MYCBP2: variants seen among roughly 807,000 people sequenced by gnomAD.
The protein encoded by MYCBP2 is E3 ubiquitin-protein ligase MYCBP2.
A neutral mutation model predicts 525.3 loss-of-function variants in MYCBP2; 120 were observed. That is an observed-to-expected ratio of 0.23 (90% CI 0.20 to 0.27). The LOEUF is 0.27. Among genes scored for constraint, MYCBP2 ranks in the 10% least tolerant of loss-of-function variants. The probability of loss-of-function intolerance (pLI) is 1.00; values close to 1 mark genes in which losing one functional copy is unlikely to be tolerated. For synonymous variants in MYCBP2, 1,894 were observed against 1,955.8 expected (o/e 0.97, Z 0.83); for missense variants, 4,149 against 5,657.1 (o/e 0.73, Z 8.55).
At chr13:77,315,202 C>G (rs1567236846) in intron 1 of MYCBP2, among the ~76,000 whole-genome samples, 1 of 152,354 alleles carries the variant, frequency 6.6e-6, no homozygotes, top group East Asian at 1.9e-4. Flanking sequence ...CTGGTGAATT[C>G]TGTCAAACAT....
intron 59 of MYCBP2, among the ~76,000 whole-genome samples, chr13:77,090,986 A>G (rs927430382): frequency 2.0e-5 from 3 of 152,162 alleles, no homozygotes; most frequent in Non-Finnish European, 4.4e-5. Context: ...TTATTTCTCT[A>G]AAACAAATTT....
chr13:77,240,472 G>T (rs546106263), intron 17 of MYCBP2, among the ~76,000 whole-genome samples: 1 of 152,230 alleles, frequency 6.6e-6, no homozygotes, highest in East Asian at 1.9e-4. Context: ...GCCAGGCGTG[G>T]TGGCGGGCAC....
At position 77,097,629 on chromosome 13, in the gene MYCBP2, G is replaced by C. The variant is rs776257927; in HGVS notation, c.9525C>G (p.Ile3175Met). 2.5e-6 allele frequency: 4 copies of C among 1,613,492 alleles called. No homozygotes were observed. Among genetic ancestry groups the C allele is most frequent in the Non-Finnish European group, 3.4e-6 (4 of 1,179,804 alleles). Residue 3175 changes from isoleucine to methionine, a missense_variant, in exon 56 of 83, where the codon ATC (isoleucine) becomes ATG (methionine). This residue lies in a region of MYCBP2 where 653 missense variants were observed against 744.7 expected (regional missense o/e 0.88). Coordinates refer to ENST00000544440, the MANE Select transcript of MYCBP2 (RefSeq NM_015057.5). ...AAATCATATTCTGGGAAGCAGCTTT[G>C]ATAGTAGCCAAAGAGATGTCTTCCC... ...AFWEDISLATIKAASQNMIFP... is the reference protein window; with the variant it reads ...AFWEDISLATMKAASQNMIFP...
At chr13:77,183,541 C>CTTTTTTTTTTTTTTTTTTTTTTTTTTT (rs60927409) in intron 32 of MYCBP2, among the ~76,000 whole-genome samples, 2 of 66,076 alleles carry the variant, frequency 3.0e-5, no homozygotes, top group African/African-American at 1.4e-4. Context: ...GTCCCTATTT[C>CTTTTTTTTTTTTTTTTTTTTTTTTTTT]TTTTTTTTTT....
intron 15 of MYCBP2, among the ~76,000 whole-genome samples, chr13:77,248,416 A>T (rs1334408835): frequency 6.6e-6 from 1 of 152,200 alleles, no homozygotes; most frequent in Non-Finnish European, 1.5e-5. Context: ...AAACTCATCA[A>T]CAACAACAAA....
chr13:77,197,435 G>C (rs949375899), intron 26 of MYCBP2, among the ~76,000 whole-genome samples: 5 of 152,184 alleles, frequency 3.3e-5, no homozygotes, highest in African/African-American at 9.7e-5. Flanking sequence ...TCATGAGAGA[G>C]AGAGATCAGT....
intron 18 of MYCBP2, among the ~76,000 whole-genome samples, chr13:77,228,437 G>C (rs567447568): frequency 6.6e-6 from 1 of 151,354 alleles, no homozygotes; most frequent in Admixed American, 6.6e-5. Flanking sequence ...AGCCCGGGAG[G>C]TCAAGGCTGC....
At chr13:77,149,313 C>T (rs543807697) in intron 47 of MYCBP2, among the ~76,000 whole-genome samples, 4 of 152,036 alleles carry the variant, frequency 2.6e-5, no homozygotes, top group African/African-American at 4.8e-5. Flanking sequence ...TGAATCACTG[C>T]ATATTTGTTT....
intron 1 of MYCBP2, among the ~76,000 whole-genome samples, chr13:77,322,177 T>G (rs1178670723): frequency 6.6e-6 from 1 of 152,194 alleles, no homozygotes; most frequent in Non-Finnish European, 1.5e-5. Flanking sequence ...GAACTTTTGC[T>G]AAAATGACTA....
chr13:77,217,321 T>G (rs1292383687), intron 21 of MYCBP2, among the ~76,000 whole-genome samples: 1 of 152,142 alleles, frequency 6.6e-6, no homozygotes, highest in East Asian at 1.9e-4. Flanking sequence ...CTTAGAGCAT[T>G]TTCACTCTTT....
intron 41 of MYCBP2, 146 bp from the exon 42 acceptor site, chr13:77,165,537 G>T: frequency 1.7e-6 from 1 of 593,310 alleles, no homozygotes; most frequent in East Asian, 3.1e-5. Flanking sequence ...ACTTGCGGCG[G>T]GGAGCGTTCC....
chr13:77,057,944 T>C (rs2038479358), intron 78 of MYCBP2, among the ~76,000 whole-genome samples: 1 of 151,604 alleles, frequency 6.6e-6, no homozygotes, highest in Non-Finnish European at 1.5e-5. Flanking sequence ...TTCATGCCAT[T>C]CTCCTGACTC....
chr13:77,238,695 T>C (rs2068346091), intron 17 of MYCBP2, among the ~76,000 whole-genome samples: 1 of 152,230 alleles, frequency 6.6e-6, no homozygotes, highest in African/African-American at 2.4e-5. Flanking sequence ...ATTAAAAAGT[T>C]CCAAATGTAT....
chr13:77,137,875 C>T (rs909339653), intron 52 of MYCBP2, among the ~76,000 whole-genome samples: 2 of 152,042 alleles, frequency 1.3e-5, no homozygotes, highest in East Asian at 1.9e-4. Flanking sequence ...TGAGCCACCT[C>T]GCCTGGCTCT....
chr13:77,102,199 C>T (rs1242062456), intron 55 of MYCBP2, among the ~76,000 whole-genome samples: 3 of 151,742 alleles, frequency 2.0e-5, no homozygotes, highest in Non-Finnish European at 4.4e-5. Context: ...GCATATATCA[C>T]ATGGCATGAT....
chr13:77,093,133 G>C (rs778089451), intron 59 of MYCBP2, 32 bp downstream of exon 59: 1 of 1,561,508 alleles, frequency 6.4e-7, no homozygotes, highest in South Asian at 1.2e-5. Flanking sequence ...CCAAACACTA[G>C]CTATTCAACA....
At chr13:77,224,364 T>G (rs2065975176) in intron 20 of MYCBP2, 87 bp downstream of exon 20, 1 of 843,018 alleles carries the variant, frequency 1.2e-6, no homozygotes, top group Admixed American at 2.5e-5. Context: ...AAATATATAC[T>G]TAAAAAGAGA....
intron 55 of MYCBP2, among the ~76,000 whole-genome samples, chr13:77,119,096 T>G (rs1042067490): frequency 6.6e-6 from 1 of 152,184 alleles, no homozygotes; most frequent in Admixed American, 6.5e-5. Flanking sequence ...GATGAATAAT[T>G]TAAAAATCTG....
chr13:77,219,633 AAAG>A (rs2065274960), intron 20 of MYCBP2, among the ~76,000 whole-genome samples: 1 of 152,122 alleles, frequency 6.6e-6, no homozygotes, highest in African/African-American at 2.4e-5. Context: ...TAACATGAGG[AAAG>A]AAGCAGAGAA....
Sources: gnomAD v4.1 joint callset for allele counts (sites outside exome capture counted in the v4.1 genomes callset) on GRCh38, gnomAD v4.1.1 for gene constraint, gnomAD v4.1.1 regional missense constraint, MANE v1.5 for transcripts, NCBI Gene and HGNC (gene_info 2026-07-23, HGNC 2026-07-21) for gene names.